The following TMEM45A variants were observed in gnomAD, a reference collection of about 807,000 sequenced individuals.
TMEM45A encodes DNA polymerase-transactivated protein 4.
Under a neutral mutation model 32.0 loss-of-function variants are expected in TMEM45A, and 25 were observed. The observed-to-expected ratio is 0.78, with a 90% CI of 0.57 to 1.09. TMEM45A has a LOEUF of 1.09. Ranked by LOEUF, TMEM45A falls within the 50% of genes least tolerant of loss-of-function variation. The pLI, the probability that TMEM45A is intolerant of heterozygous loss-of-function variation, is 0.00. For synonymous variants in TMEM45A, 122 were observed against 114.8 expected (o/e 1.06, Z -0.40); for missense variants, 302 against 325.0 (o/e 0.93, Z 0.54).
chr3:100,528,693 A>T (rs181080103), intron 1 of TMEM45A, among the ~76,000 whole-genome samples: 1 of 152,248 alleles, frequency 6.6e-6, no homozygotes, highest in Admixed American at 6.5e-5. Context: ...TTTTAAACAC[A>T]GTTTCCTTCT....
Position 100,576,920 on chromosome 3 carries a change from C to T in TMEM45A, c.735-5C>T, listed in dbSNP as rs765216913. 3.7e-6 allele frequency: 6 copies of T among 1,607,128 alleles called. No individual in the cohort carries two copies. The highest frequency in any genetic ancestry group is 1.7e-4 in the Middle Eastern group (1 of 6,042). On this transcript the variant is annotated splice_polypyrimidine_tract_variant and splice_region_variant and intron_variant, in intron 5 of 5. Coordinates refer to ENST00000323523, the MANE Select transcript of TMEM45A (RefSeq NM_018004.3). ...CTAACTTGAGATGCTTTTCTTTCTC[C>T]TCAGGTTGGTTAAATCTAGACTTAA...
intron 1 of TMEM45A, among the ~76,000 whole-genome samples, chr3:100,525,842 C>T (rs1004843884): frequency 2.0e-5 from 3 of 152,136 alleles, no homozygotes; most frequent in Non-Finnish European, 4.4e-5. Flanking sequence ...TACAGGGATG[C>T]GACAAGTAGT....
Position 100,492,642 on chromosome 3 carries a change from G to A in TMEM45A, c.-290G>A, listed in dbSNP as rs937753338. 2.6e-5 allele frequency: 4 copies of A among 152,250 alleles called. No homozygotes were observed. The highest frequency in any genetic ancestry group is 7.2e-5 in the African/African-American group (3 of 41,458). The allele number at this position is 152,250 out of a possible 1,614,324, so 9.4% of individuals were successfully genotyped here. On this transcript the variant is annotated 5_prime_UTR_variant, in exon 1 of 6. Transcript: ENST00000323523. The stretch of plus-strand genomic sequence containing the variant: ...ATGAAGCACATCTGGACAGCTGTGC[G>A]GCCTCCTCGCGGGCCGACGTCAGCC...
At chr3:100,503,583 G>T (rs1388434855) in intron 1 of TMEM45A, among the ~76,000 whole-genome samples, 1 of 152,182 alleles carries the variant, frequency 6.6e-6, no homozygotes, top group Non-Finnish European at 1.5e-5. Flanking sequence ...CATTGCAGAG[G>T]TTTCATGAAG....
chr3:100,561,617 T>A (rs1015402877), intron 4 of TMEM45A, among the ~76,000 whole-genome samples: 19 of 151,954 alleles, frequency 1.3e-4, no homozygotes, highest in African/African-American at 4.6e-4. Context: ...GAAAAAAAAA[T>A]CCTGCAAGCC....
intron 1 of TMEM45A, among the ~76,000 whole-genome samples, chr3:100,534,295 A>C (rs1347233500): frequency 6.6e-6 from 1 of 152,182 alleles, no homozygotes; most frequent in Non-Finnish European, 1.5e-5. Flanking sequence ...AGCCAAAAGG[A>C]TTTTGCAGAC....
At chr3:100,505,348 A>G (rs1446517916) in intron 1 of TMEM45A, among the ~76,000 whole-genome samples, 2 of 152,190 alleles carry the variant, frequency 1.3e-5, no homozygotes, top group African/African-American at 4.8e-5. Flanking sequence ...TCTCCCTAAC[A>G]TCCCCCCAAC....
chr3:100,510,827 C>A (rs1372167322), intron 1 of TMEM45A, among the ~76,000 whole-genome samples: 2 of 152,150 alleles, frequency 1.3e-5, no homozygotes, highest in East Asian at 1.9e-4. Flanking sequence ...GTGAAGAATG[C>A]AGAAGCCTCA....
chr3:100,538,076 T>A (rs1705778657), intron 1 of TMEM45A, among the ~76,000 whole-genome samples: 1 of 152,104 alleles, frequency 6.6e-6, no homozygotes, highest in Non-Finnish European at 1.5e-5. Flanking sequence ...CAATAGAGAG[T>A]GAGATTTGTT....
At chr3:100,522,922 G>A (rs1343057243) in intron 1 of TMEM45A, among the ~76,000 whole-genome samples, 1 of 152,176 alleles carries the variant, frequency 6.6e-6, no homozygotes, top group African/African-American at 2.4e-5. Flanking sequence ...AAGTTCCTGT[G>A]GTTGCGCCCA....
intron 4 of TMEM45A, among the ~76,000 whole-genome samples, chr3:100,564,038 T>G (rs906193683): frequency 7.9e-5 from 12 of 152,178 alleles, no homozygotes; most frequent in African/African-American, 2.7e-4. Flanking sequence ...GATGCAAATG[T>G]TTTTGCAGCT....
intron 1 of TMEM45A, among the ~76,000 whole-genome samples, chr3:100,508,562 C>G (rs769412430): frequency 1.3e-5 from 2 of 152,056 alleles, no homozygotes; most frequent in Non-Finnish European, 2.9e-5. Flanking sequence ...TCAAAATATA[C>G]CACAGACCTA....
intron 4 of TMEM45A, among the ~76,000 whole-genome samples, chr3:100,560,852 G>A (rs1312308694): frequency 2.0e-5 from 3 of 152,226 alleles, no homozygotes; most frequent in Non-Finnish European, 4.4e-5. Flanking sequence ...ATCTGAAGGA[G>A]GAAGCTGTGG....
At chr3:100,509,523 G>A (rs7619373) in intron 1 of TMEM45A, among the ~76,000 whole-genome samples, 2 of 152,184 alleles carry the variant, frequency 1.3e-5, no homozygotes, top group Non-Finnish European at 2.9e-5. Context: ...GCCAAGGTAT[G>A]GAATCAACCT....
chr3:100,517,093 C>T (rs1345331061), intron 1 of TMEM45A, among the ~76,000 whole-genome samples: 1 of 149,706 alleles, frequency 6.7e-6, no homozygotes, highest in Non-Finnish European at 1.5e-5. Context: ...GGCATATTGC[C>T]AGACGTGGGA....
Position 100,512,289 on chromosome 3 carries a change from G to A in TMEM45A, c.-4+19361G>A, listed in dbSNP as rs1243537616. On this transcript the variant is annotated intron_variant, in intron 1 of 5. Transcript: ENST00000323523. ...AACAAACTATCTCTCAGACCACAGTGCAATCAAACTAGAACTCAGGATTAA... is the reference window on the plus strand; with the variant it reads ...AACAAACTATCTCTCAGACCACAGTACAATCAAACTAGAACTCAGGATTAA... 5.3e-5 allele frequency among the ~76,000 whole-genome samples: 8 copies of A among 152,278 alleles called. No homozygotes were observed. The East Asian group carries it at 1.5e-3, about 29-fold the overall frequency.
Position 100,572,170 on chromosome 3 carries a change from G to C in TMEM45A, c.734+3203G>C, listed in dbSNP as rs995249679. The C allele has an allele frequency of 1.9e-3, 292 of 152,186 alleles. 3 individuals are homozygous for C. Among genetic ancestry groups the C allele is most frequent in the African/African-American group, 6.4e-3 (267 of 41,498 alleles). 9.4% of individuals were successfully genotyped at this position (152,186 alleles called of 1,614,324 possible). A position where few individuals can be genotyped will look rare whatever the true frequency, so the allele number is the denominator to read the frequency against. ...TCTAGTTCTAGATCCCTGAGGAATC[G>C]CCACACTGACTTCCACAATGGTTGA... is the stretch of plus-strand genomic sequence containing the variant. On this transcript the variant is annotated intron_variant, in intron 5 of 5. Transcript: ENST00000323523.
chr3:100,540,744 A>G (rs548968753), intron 1 of TMEM45A, among the ~76,000 whole-genome samples: 1 of 152,374 alleles, frequency 6.6e-6, no homozygotes, highest in Admixed American at 6.5e-5. Context: ...AAACCTGCAC[A>G]TAAATATGAA....
At chr3:100,531,750 A>G (rs1705652694) in intron 1 of TMEM45A, among the ~76,000 whole-genome samples, 1 of 152,250 alleles carries the variant, frequency 6.6e-6, no homozygotes, top group East Asian at 1.9e-4. Context: ...TGGGGCATAC[A>G]GTAATTACAT....
Sources: gnomAD v4.1 joint callset for allele counts (sites outside exome capture counted in the v4.1 genomes callset) on GRCh38, gnomAD v4.1.1 for gene constraint, MANE v1.5 for transcripts, NCBI Gene and HGNC (gene_info 2026-07-23, HGNC 2026-07-21) for gene names.